The following USP4 variants were observed in gnomAD, a reference collection of about 807,000 sequenced individuals.
USP4 encodes ubiquitin specific peptidase 4.
Under a neutral mutation model 118.2 loss-of-function variants are expected in USP4, and 72 were observed. The observed-to-expected ratio is 0.61, with a 90% CI of 0.50 to 0.74. USP4 has a LOEUF of 0.74. Among genes scored for constraint, USP4 ranks in the 30% least tolerant of loss-of-function variants. USP4 has a pLI of 0.00. For missense variants in USP4, 1,037 were observed against 1,185.7 expected, an observed-to-expected ratio of 0.87 and a Z score of 1.84; for synonymous variants, 415 against 440.4, an observed-to-expected ratio of 0.94 and a Z score of 0.72.
intron 2 of USP4, among the ~76,000 whole-genome samples, chr3:49,329,589 T>A (rs2047592128): frequency 6.6e-6 from 1 of 152,142 alleles, no homozygotes; most frequent in Admixed American, 6.6e-5. Context: ...TTTATAGGGA[T>A]GGGGTTTTGC....
intron 3 of USP4, 124 bp from the exon 4 acceptor site, chr3:49,325,969 G>A (rs2047550299): frequency 8.2e-7 from 1 of 1,225,260 alleles, no homozygotes; most frequent in Non-Finnish European, 1.1e-6. Flanking sequence ...TACTGATCAA[G>A]GGATCAAAAG....
At position 49,326,055 on chromosome 3, in the gene USP4, G is replaced by A. The variant is rs149363618; in HGVS notation, c.361-210C>T. On this transcript the variant is annotated intron_variant, in intron 3 of 21. Coordinates refer to ENST00000265560, the MANE Select transcript of USP4 (RefSeq NM_003363.4). Reference sequence around the variant, plus strand: ...TTTCTGGCCGCGTGTGGTGGCTCACGCTTGTAATCTCAACACTCTGGGAGG... The same window carrying A: ...TTTCTGGCCGCGTGTGGTGGCTCACACTTGTAATCTCAACACTCTGGGAGG... 3.0e-3 allele frequency among the ~76,000 whole-genome samples: 462 copies of A among 152,260 alleles called. 6 individuals carry two copies. The highest frequency in any genetic ancestry group is 0.011 in the African/African-American group (445 of 41,562).
intron 6 of USP4, among the ~76,000 whole-genome samples, chr3:49,320,264 G>A (rs2047484432): frequency 6.6e-6 from 1 of 152,040 alleles, no homozygotes; most frequent in African/African-American, 2.4e-5. Context: ...CCAACATGGA[G>A]AAACCCTGTC....
chr3:49,333,328 G>T (rs2047639005), intron 2 of USP4, among the ~76,000 whole-genome samples: 1 of 152,010 alleles, frequency 6.6e-6, no homozygotes, highest in East Asian at 1.9e-4. Context: ...AGCCAGGAAT[G>T]CTGGCAAGCA....
chr3:49,323,198 C>A (rs1442722112), intron 6 of USP4, among the ~76,000 whole-genome samples: 2 of 150,662 alleles, frequency 1.3e-5, no homozygotes, highest in Non-Finnish European at 3.0e-5. Flanking sequence ...AACTCTCAAC[C>A]TCAGGTGAGC....
chr3:49,311,884 G>A, intron 6 of USP4: 1 of 1,200,766 alleles, frequency 8.3e-7, no homozygotes, highest in Non-Finnish European at 1.0e-6. Flanking sequence ...CTTTCAGTGT[G>A]AAAAACCACA....
chr3:49,306,804 GAC>G (rs1415536401), intron 8 of USP4, among the ~76,000 whole-genome samples: 1 of 151,832 alleles, frequency 6.6e-6, no homozygotes, highest in Non-Finnish European at 1.5e-5. Context: ...TTTTGTTTGA[GAC>G]AGAGTTTTGC....
rs371856783 is a variant in USP4 at position 49,299,193 on chromosome 3, G to A, written c.1513-558C>T. On this transcript the variant is annotated intron_variant, in intron 11 of 21. Transcript: ENST00000265560. ...CAACCTCCACCTCCCGGGTTCAAGC[G>A]ATTCTCCTGCCTCAGCCTCCTGAGT... Among the ~76,000 whole-genome samples the A allele has an allele frequency of 1.3e-4, 19 of 150,508 alleles. No homozygotes were observed. The East Asian group carries it at 2.6e-3, about 20-fold the overall frequency.
At chr3:49,282,213 C>T (rs2047038314) in intron 19 of USP4, among the ~76,000 whole-genome samples, 1 of 152,076 alleles carries the variant, frequency 6.6e-6, no homozygotes. Context: ...CCAAAACAGG[C>T]CCCAGAAAGC....
intron 8 of USP4, among the ~76,000 whole-genome samples, chr3:49,310,307 C>T (rs1304083605): frequency 2.6e-5 from 4 of 152,166 alleles, no homozygotes; most frequent in Non-Finnish European, 4.4e-5. Context: ...AAGTTTTCCT[C>T]ATCCCATCAG....
In USP4 at chr3:49,300,516, A is replaced by G; in HGVS notation, c.1463T>C (p.Val488Ala). The change falls in exon 11 of 22, where the codon GTT (valine) becomes GCT (alanine). Residue 488 changes from valine to alanine, a missense_variant. Physicochemically the swap from Val to Ala is moderately conservative, Grantham distance 64 (BLOSUM62 0). Transcript: ENST00000265560. ...TLPLPLKKDR[V>A]MEVFLVPADP... ...AGCAGGAACCAGGAAAACCTCCATAACTCGATCTTTCTTCAAGGGCAGTGG... is the reference window on the plus strand; with the variant it reads ...AGCAGGAACCAGGAAAACCTCCATAGCTCGATCTTTCTTCAAGGGCAGTGG... The G allele has an allele frequency of 6.2e-7, 1 of 1,614,078 alleles. No individual in the cohort carries two copies. The highest frequency in any genetic ancestry group is 8.5e-7 in the Non-Finnish European group (1 of 1,180,014).
chr3:49,293,019 A>AG (rs2047166787), intron 14 of USP4, among the ~76,000 whole-genome samples: 1 of 151,880 alleles, frequency 6.6e-6, no homozygotes. Flanking sequence ...GCAGAGAGCA[A>AG]CTCTGTCTCA....
At position 49,278,142 on chromosome 3, in the gene USP4, CTTTTT is replaced by C. The variant is rs11309567; in HGVS notation, c.*146_*150del. 1.0e-5 allele frequency: 7 copies of C among 673,956 alleles called. No homozygotes were observed. The Admixed American group carries it at 2.1e-4, about 21-fold the overall frequency. The allele number at this position is 673,956 out of a possible 1,614,324, so 41.7% of individuals were successfully genotyped here. A position where few individuals can be genotyped will look rare whatever the true frequency, so the allele number is the denominator to read the frequency against. ...TAGCTTCTTCTAGGTAAACGGTCTT[CTTTTT>C]TTTTTTTTGTTTCCTTCTGCTCATA... On this transcript the variant is annotated 3_prime_UTR_variant, in exon 22 of 22. Coordinates refer to ENST00000265560, the MANE Select transcript of USP4 (RefSeq NM_003363.4).
At chr3:49,324,847 C>A in intron 5 of USP4, 47 bp downstream of exon 5, 2 of 1,613,920 alleles carry the variant, frequency 1.2e-6, no homozygotes, top group Non-Finnish European at 1.7e-6. Flanking sequence ...TCTGGCCACA[C>A]ACCCTGGGCA....
At chr3:49,310,545 C>T (rs2047372698) in intron 8 of USP4, 75 bp downstream of exon 8, 2 of 1,287,608 alleles carry the variant, frequency 1.6e-6, no homozygotes, top group South Asian at 2.4e-5. Context: ...AGAGGATCCA[C>T]CCAGTACCTT....
intron 19 of USP4, among the ~76,000 whole-genome samples, chr3:49,281,491 T>TACACACACACACAC (rs71077782): frequency 8.8e-4 from 111 of 126,532 alleles, no homozygotes; most frequent in African/African-American, 1.6e-3. Context: ...TATATATATA[T>TACACACACACACAC]ACACACACAC....
intron 6 of USP4, chr3:49,316,910 A>T: frequency 1.6e-6 from 1 of 610,090 alleles, no homozygotes; most frequent in South Asian, 2.0e-5. Context: ...GCCAGGACCC[A>T]CAGGCTGTGC....
intron 9 of USP4, 109 bp from the exon 10 acceptor site, chr3:49,302,651 G>C (rs1174354832): frequency 5.4e-6 from 6 of 1,101,046 alleles, no homozygotes; most frequent in Non-Finnish European, 7.7e-6. Context: ...GGCAGTGAGA[G>C]AGAACACTTG....
In USP4 at chr3:49,300,649, C is replaced by A; in HGVS notation, c.1330G>T (p.Asp444Tyr). 1 of 1,614,192 alleles carries A rather than the reference C, an allele frequency of 6.2e-7. No individual in the cohort carries two copies. Among genetic ancestry groups the A allele is most frequent in the Non-Finnish European group, 8.5e-7 (1 of 1,180,044 alleles). Reference sequence around the variant, plus strand: ...TGGAAAGTATCCACAATCACAGAATCATTCCTCAACCTGTGATTCTCCCAG... The same window carrying A: ...TGGAAAGTATCCACAATCACAGAATAATTCCTCAACCTGTGATTCTCCCAG... Reference protein sequence around the residue: ...EAWENHRLRNDSVIVDTFHGL... With the variant: ...EAWENHRLRNYSVIVDTFHGL... The change falls in exon 11 of 22, where the codon GAT (aspartate) becomes TAT (tyrosine). Residue 444 changes from aspartate (D) to tyrosine (Y), a missense_variant. Around this residue, in one of 3 missense-constraint regions of USP4, gnomAD observed 28 missense variants for 59.0 expected, o/e 0.47. Transcript: ENST00000265560.
Sources: allele counts gnomAD v4.1 joint callset (sites outside exome capture counted in the v4.1 genomes callset), GRCh38; gene constraint gnomAD v4.1.1; regional missense constraint gnomAD v4.1.1; transcripts MANE v1.5; gene names NCBI Gene and HGNC (gene_info 2026-07-23, HGNC 2026-07-21).